Variants in HHAT observed in about 807,000 individuals in gnomAD.
The protein encoded by HHAT is hedgehog acyltransferase.
In HHAT, 47 loss-of-function variants were observed where a neutral mutation model predicts 70.8. That is an observed-to-expected ratio of 0.66 (90% CI 0.53 to 0.85). The LOEUF (loss-of-function observed/expected upper bound fraction) is 0.85, where lower values mean the gene tolerates loss of function less well. Ranked by LOEUF, HHAT falls within the 40% of genes least tolerant of loss-of-function variation. HHAT has a pLI of 0.00. For synonymous variants in HHAT, 228 were observed against 247.6 expected, an observed-to-expected ratio of 0.92 and a Z score of 0.74; for missense variants, 609 against 604.8, an observed-to-expected ratio of 1.01 and a Z score of -0.07.
chr1:210,465,895 TGAATTGCAAG>T (rs935268619), intron 8 of HHAT, among the ~76,000 whole-genome samples: 13 of 150,998 alleles, frequency 8.6e-5, no homozygotes, highest in Admixed American at 1.3e-4. Context: ...TTGCAAGGAA[TGAATTGCAAG>T]GAATTGCAAG....
intron 9 of HHAT, among the ~76,000 whole-genome samples, chr1:210,547,197 C>T (rs890454627): frequency 6.6e-6 from 1 of 151,832 alleles, no homozygotes; most frequent in Non-Finnish European, 1.5e-5. Context: ...GGTGTGGTGG[C>T]GAGCGCCTGT....
intron 2 of HHAT, among the ~76,000 whole-genome samples, chr1:210,356,435 T>C (rs2087631192): frequency 1.3e-5 from 2 of 152,190 alleles, no homozygotes; most frequent in African/African-American, 4.8e-5. Context: ...TTAATGTTTC[T>C]TTAAATAAAC....
intron 3 of HHAT, chr1:210,374,132 G>A (rs771147169): frequency 5.9e-5 from 9 of 152,136 alleles, no homozygotes; most frequent in Admixed American, 1.3e-4. Flanking sequence ...TCCTCTTTAA[G>A]TCTTTTTTTA....
At chr1:210,343,254 T>TA (rs2086190678) in intron 1 of HHAT, among the ~76,000 whole-genome samples, 1 of 152,238 alleles carries the variant, frequency 6.6e-6, no homozygotes, top group South Asian at 2.1e-4. Flanking sequence ...TTCTGCCCAA[T>TA]AAAAACAAAG....
In HHAT at chr1:210,336,287, A is replaced by ATTTTTTTTTTT. The variant is rs541795412; in HGVS notation, c.-44+7196_-44+7206dup. 2.3e-3 allele frequency among the ~76,000 whole-genome samples: 195 copies of ATTTTTTTTTTT among 84,594 alleles called. 20 individuals carry two copies. The highest frequency in any genetic ancestry group is 7.0e-3 in the Middle Eastern group (1 of 142). The allele number at this position is 84,594 out of a possible 152,430, so 55.5% of individuals were successfully genotyped here. On this transcript the variant is annotated intron_variant, in intron 1 of 11. Coordinates refer to ENST00000261458, the MANE Select transcript of HHAT (RefSeq NM_018194.6). ...AGGCATGCACCACTGTGCCTGGCTA[A>ATTTTTTTTTTT]TTTTTTTTTTTTTTTTTTTTTTTAG...
intron 7 of HHAT, among the ~76,000 whole-genome samples, chr1:210,450,295 G>GT (rs534401903): frequency 4.0e-5 from 1 of 24,870 alleles, no homozygotes; most frequent in African/African-American, 1.8e-4. Context: ...CGTCTCAGGT[G>GT]GGGGGGGTGG....
At chr1:210,664,597 A>G (rs1481068278) in intron 11 of HHAT, among the ~76,000 whole-genome samples, 1 of 152,216 alleles carries the variant, frequency 6.6e-6, no homozygotes, top group Non-Finnish European at 1.5e-5. Flanking sequence ...TGGCCTCAAA[A>G]TAGAAAATGC....
At chr1:210,472,555 T>C (rs1048273805) in intron 8 of HHAT, among the ~76,000 whole-genome samples, 12 of 152,206 alleles carry the variant, frequency 7.9e-5, no homozygotes, top group African/African-American at 2.9e-4. Flanking sequence ...ATGGCTTACA[T>C]ACTGACCCCT....
intron 8 of HHAT, among the ~76,000 whole-genome samples, chr1:210,476,835 AC>A (rs1380331033): frequency 6.6e-6 from 1 of 152,108 alleles, no homozygotes; most frequent in African/African-American, 2.4e-5. Flanking sequence ...GCCAACTAAA[AC>A]CCATGGAATC....
intron 3 of HHAT, among the ~76,000 whole-genome samples, chr1:210,370,053 C>T (rs55704833): frequency 0.17 from 25,351 of 151,852 alleles, 2,406 homozygotes; most frequent in Admixed American, 0.26. Context: ...TCTTCTTTCT[C>T]TTCTCTCTCT....
At position 210,633,792 on chromosome 1, in the gene HHAT, C is replaced by T. The variant is rs564017930; in HGVS notation, c.1390+10122C>T. On this transcript the variant is annotated intron_variant, in intron 11 of 11. Coordinates refer to ENST00000261458, the MANE Select transcript of HHAT (RefSeq NM_018194.6). ...ACTTGAGAGCCACCCTGCATCCCAC[C>T]AACCCAGGGCCGAAGCCTTTGTCCC... Among the ~76,000 whole-genome samples, 10 of 152,274 alleles carry T rather than the reference C, an allele frequency of 6.6e-5. No individual in the cohort carries two copies. In the South Asian group the frequency reaches 1.9e-3, roughly 28 times the overall value.
Position 210,599,433 on chromosome 1 carries a change from G to A in HHAT, c.1245+11334G>A, listed in dbSNP as rs562345207. On this transcript the variant is annotated intron_variant, in intron 10 of 11. Transcript: ENST00000261458. ...ACTTGGAAATCTACCAGGTTTCTCA[G>A]ACTTTGCACGTGTAATATGGAGCTC... is the stretch of plus-strand genomic sequence containing the variant. 2.2e-4 allele frequency among the ~76,000 whole-genome samples: 33 copies of A among 152,224 alleles called. 1 individual carries two copies. The highest frequency in any genetic ancestry group is 7.7e-4 in the African/African-American group (32 of 41,522).
chr1:210,366,798 C>G (rs182817979), intron 3 of HHAT, among the ~76,000 whole-genome samples: 1 of 152,190 alleles, frequency 6.6e-6, no homozygotes, highest in Non-Finnish European at 1.5e-5. Context: ...TTTACTCATC[C>G]TGTTCCTCTT....
chr1:210,566,792 T>C (rs975970847), intron 9 of HHAT, among the ~76,000 whole-genome samples: 1 of 152,238 alleles, frequency 6.6e-6, no homozygotes, highest in Non-Finnish European at 1.5e-5. Context: ...ATCCTTCAAG[T>C]CTGTGTGTGA....
At chr1:210,415,906 G>A (rs1011719047) in intron 6 of HHAT, among the ~76,000 whole-genome samples, 41 of 151,970 alleles carry the variant, frequency 2.7e-4, no homozygotes, top group African/African-American at 9.9e-4. Context: ...TAATCTACCT[G>A]CCTCCACCTC....
At chr1:210,665,143 C>G (rs577954870) in intron 11 of HHAT, among the ~76,000 whole-genome samples, 30 of 152,302 alleles carry the variant, frequency 2.0e-4, no homozygotes, top group Admixed American at 7.8e-4. Flanking sequence ...TAGTGCACCC[C>G]ATGGACGTGG....
chr1:210,523,415 G>A (rs1013522822), intron 9 of HHAT, among the ~76,000 whole-genome samples: 5 of 151,988 alleles, frequency 3.3e-5, no homozygotes, highest in African/African-American at 7.2e-5. Flanking sequence ...TCTCTACCTC[G>A]ATAACACTGC....
intron 10 of HHAT, among the ~76,000 whole-genome samples, chr1:210,596,358 C>T (rs1057237089): frequency 7.2e-5 from 11 of 152,108 alleles, no homozygotes; most frequent in Admixed American, 3.3e-4. Flanking sequence ...ATACTGATAT[C>T]GTTCTCTAGT....
chr1:210,389,989 A>G (rs559422402), intron 4 of HHAT, among the ~76,000 whole-genome samples: 1 of 152,316 alleles, frequency 6.6e-6, no homozygotes, highest in East Asian at 1.9e-4. Context: ...TTCTCCCTTT[A>G]AAATATGATG....
Sources: allele counts gnomAD v4.1 joint callset (sites outside exome capture counted in the v4.1 genomes callset), GRCh38; gene constraint gnomAD v4.1.1; transcripts MANE v1.5; gene names NCBI Gene and HGNC (gene_info 2026-07-23, HGNC 2026-07-21).